The following FAM167A variants were observed in gnomAD, a reference collection of about 807,000 sequenced individuals.
FAM167A encodes protein FAM167A.
Under a neutral mutation model 14.9 loss-of-function variants are expected in FAM167A, and 23 were observed. The observed-to-expected ratio is 1.55, with a 90% CI of 1.11 to 2.19. The LOEUF (loss-of-function observed/expected upper bound fraction) is 2.19, where lower values mean the gene tolerates loss of function less well. Among genes scored for constraint, FAM167A ranks in the 30% most tolerant of loss-of-function variants. The pLI is 0.00. For synonymous variants in FAM167A, 174 were observed against 117.7 expected (o/e 1.48, Z -3.10); for missense variants, 401 against 281.5 (o/e 1.42, Z -3.04).
At chr8:11,448,128 A>C (rs1036803056) in intron 1 of FAM167A, among the ~76,000 whole-genome samples, 1 of 150,710 alleles carries the variant, frequency 6.6e-6, no homozygotes, top group Non-Finnish European at 1.5e-5. Flanking sequence ...CAGGAGGCAG[A>C]GGTTGCAGTG....
At chr8:11,446,012 C>T (rs377432664) in intron 1 of FAM167A, among the ~76,000 whole-genome samples, 1,825 of 120,066 alleles carry the variant, frequency 0.015, 13 homozygotes, top group African/African-American at 0.027. Flanking sequence ...AAAAACATCC[C>T]GGCCAAAAAA....
chr8:11,473,645 C>T (rs577914179), intron 1 of FAM167A, among the ~76,000 whole-genome samples: 68 of 152,118 alleles, frequency 4.5e-4, no homozygotes, highest in Admixed American at 9.8e-4. Flanking sequence ...GTGCAGGGTG[C>T]GGTTCTATCT....
chr8:11,464,832 C>T (rs1188780738), intron 1 of FAM167A, among the ~76,000 whole-genome samples: 3 of 152,228 alleles, frequency 2.0e-5, no homozygotes, highest in Non-Finnish European at 2.9e-5. Flanking sequence ...GTTTCTTCCT[C>T]ATTGGCCTGG....
chr8:11,424,284 C>T lies in FAM167A; in HGVS notation c.*89G>A, dbSNP rs1005107747. 1.3e-6 allele frequency: 2 copies of T among 1,556,404 alleles called. No individual in the cohort carries two copies. The highest frequency in any genetic ancestry group is 1.2e-5 in the South Asian group (1 of 83,918). On this transcript the variant is annotated 3_prime_UTR_variant, in exon 3 of 3. Coordinates refer to ENST00000284486, the MANE Select transcript of FAM167A (RefSeq NM_053279.3). ...CCCAGGGACCCCTGCCTCCGGGAGACCCACTGGAGTAACTTGGCCTCAGCT... is the reference window on the plus strand; with the variant it reads ...CCCAGGGACCCCTGCCTCCGGGAGATCCACTGGAGTAACTTGGCCTCAGCT...
upstream of FAM167A, chr8:11,467,618 G>T (rs969232964): frequency 1.3e-5 from 2 of 152,346 alleles, no homozygotes; most frequent in Admixed American, 6.5e-5. Flanking sequence ...GTGCGCGCAG[G>T]CGCCGCCTAC....
At chr8:11,428,831 G>T (rs1236187553) in intron 2 of FAM167A, among the ~76,000 whole-genome samples, 1 of 152,130 alleles carries the variant, frequency 6.6e-6, no homozygotes, top group Admixed American at 6.5e-5. Context: ...ACTAACTTGA[G>T]CCCCGATTAG....
chr8:11,435,039 C>T (rs980038342), intron 2 of FAM167A: 2 of 456,908 alleles, frequency 4.4e-6, no homozygotes, highest in Non-Finnish European at 8.8e-6. Context: ...CCCCCCCTCA[C>T]TCAATCTGTC....
upstream of FAM167A, among the ~76,000 whole-genome samples, chr8:11,472,476 G>C (rs1018224408): frequency 8.4e-6 from 1 of 119,604 alleles, no homozygotes; most frequent in Non-Finnish European, 1.6e-5. Context: ...GTCTCTCTCT[G>C]TTGCCCAGGC....
At chr8:11,439,971 G>A (rs961759754) in intron 2 of FAM167A, among the ~76,000 whole-genome samples, 6 of 152,222 alleles carry the variant, frequency 3.9e-5, no homozygotes, top group African/African-American at 1.2e-4. Context: ...AGCTAGAGAG[G>A]AGAGAATCCC....
intron 1 of FAM167A, among the ~76,000 whole-genome samples, chr8:11,461,670 T>C (rs552854702): frequency 1.3e-5 from 2 of 152,364 alleles, no homozygotes; most frequent in East Asian, 3.9e-4. Context: ...CCAGCTGGCA[T>C]TGGCCTCAGC....
chr8:11,443,178 G>C (rs1806539548), intron 2 of FAM167A, among the ~76,000 whole-genome samples: 1 of 152,182 alleles, frequency 6.6e-6, no homozygotes, highest in Admixed American at 6.5e-5. Context: ...CTTCATGCCT[G>C]GTGCTGCTGA....
At chr8:11,440,758 C>G (rs574866886) in intron 2 of FAM167A, among the ~76,000 whole-genome samples, 319 of 152,342 alleles carry the variant, frequency 2.1e-3, no homozygotes, top group African/African-American at 7.5e-3. Flanking sequence ...TTGAGCCTAA[C>G]AAATCTGTAG....
chr8:11,463,743 G>A (rs941105752), intron 1 of FAM167A, among the ~76,000 whole-genome samples: 1 of 152,188 alleles, frequency 6.6e-6, no homozygotes, highest in Non-Finnish European at 1.5e-5. Flanking sequence ...GAAGAAATGG[G>A]GGCTTGGTCC....
At chr8:11,467,638 C>G (rs1807825734), upstream of FAM167A, 1 of 152,404 alleles carries the variant, frequency 6.6e-6, no homozygotes, top group African/African-American at 2.4e-5. Context: ...CATGGCCAGA[C>G]GCGAAGCTGA....
upstream of FAM167A, among the ~76,000 whole-genome samples, chr8:11,472,437 GT>G (rs113039104): frequency 0.12 from 15,252 of 122,284 alleles, 632 homozygotes; most frequent in Non-Finnish European, 0.18. Context: ...TGTTTTTTGG[GT>G]TTTTTTTTTT....
intron 1 of FAM167A, among the ~76,000 whole-genome samples, chr8:11,466,237 C>T (rs1807758950): frequency 1.3e-5 from 2 of 152,228 alleles, no homozygotes; most frequent in African/African-American, 4.8e-5. Context: ...TGAACCTATA[C>T]ACAGGAGCCA....
chr8:11,438,771 C>G (rs567632192), intron 2 of FAM167A: 2 of 344,588 alleles, frequency 5.8e-6, no homozygotes, highest in Admixed American at 4.0e-5. Flanking sequence ...GCCAGACAGG[C>G]TGAAAGCACC....
At chr8:11,431,413 G>C (rs989301438) in intron 2 of FAM167A, among the ~76,000 whole-genome samples, 3 of 152,260 alleles carry the variant, frequency 2.0e-5, no homozygotes, top group African/African-American at 7.2e-5. Context: ...TTAGCGTTTA[G>C]TGAGCACAGA....
At chr8:11,431,971 C>G (rs898767899) in intron 2 of FAM167A, among the ~76,000 whole-genome samples, 1 of 149,574 alleles carries the variant, frequency 6.7e-6, no homozygotes, top group Non-Finnish European at 1.5e-5. Context: ...TGACTCAACT[C>G]TCAGTGTGGG....
Sources: allele counts gnomAD v4.1 joint callset (sites outside exome capture counted in the v4.1 genomes callset), GRCh38; gene constraint gnomAD v4.1.1; transcripts MANE v1.5; gene names NCBI Gene and HGNC (gene_info 2026-07-23, HGNC 2026-07-21).